The following CDYL2 variants were observed in gnomAD, a reference collection of about 807,000 sequenced individuals.
The protein encoded by CDYL2 is chromodomain Y like 2, also known as chromodomain Y-like protein 2.
CDYL2 carries 23 observed loss-of-function variants against 49.4 expected under a neutral mutation model. The ratio of observed to expected loss-of-function variants is 0.47; its 90% CI spans 0.34 to 0.66. The LOEUF (loss-of-function observed/expected upper bound fraction) is 0.66, where lower values mean the gene tolerates loss of function less well. Ranked by LOEUF, CDYL2 falls within the 30% of genes least tolerant of loss-of-function variation. CDYL2 has a pLI of 0.01. For missense variants in CDYL2, 678 were observed against 656.4 expected (o/e 1.03, Z -0.36); for synonymous variants, 360 against 268.8 (o/e 1.34, Z -3.32).
chr16:80,680,842 C>T (rs1202870638), intron 2 of CDYL2, among the ~76,000 whole-genome samples: 1 of 152,234 alleles, frequency 6.6e-6, no homozygotes, highest in Middle Eastern at 3.4e-3. Context: ...GCAGAACCCA[C>T]CCCTCCAGCC....
At chr16:80,765,701 T>C (rs993118943) in intron 1 of CDYL2, among the ~76,000 whole-genome samples, 62 of 125,684 alleles carry the variant, frequency 4.9e-4, no homozygotes, top group Non-Finnish European at 3.2e-5. Context: ...CAAAATGTAA[T>C]CTATCCATAC....
chr16:80,706,522 A>C (rs925544713), intron 1 of CDYL2, among the ~76,000 whole-genome samples: 1 of 152,180 alleles, frequency 6.6e-6, no homozygotes, highest in African/African-American at 2.4e-5. Context: ...GGGATCAAAT[A>C]AGTTAATGTT....
At chr16:80,704,972 T>A (rs1904356329) in intron 1 of CDYL2, among the ~76,000 whole-genome samples, 1 of 152,198 alleles carries the variant, frequency 6.6e-6, no homozygotes, top group South Asian at 2.1e-4. Flanking sequence ...GGTCCAGGCT[T>A]GACATGCTTA....
intron 2 of CDYL2, among the ~76,000 whole-genome samples, chr16:80,659,119 G>A (rs1597153990): frequency 6.9e-6 from 1 of 144,470 alleles, no homozygotes; most frequent in African/African-American, 2.8e-5. Flanking sequence ...ATGGATGGAT[G>A]AACAGACAGA....
chr16:80,670,277 T>C (rs563309913), intron 2 of CDYL2, among the ~76,000 whole-genome samples: 54 of 128,916 alleles, frequency 4.2e-4, no homozygotes, highest in Middle Eastern at 4.5e-3. Flanking sequence ...CCAGTGGGAG[T>C]TGACTGGATC....
chr16:80,746,771 T>C (rs1469871664), intron 1 of CDYL2, among the ~76,000 whole-genome samples: 2 of 152,104 alleles, frequency 1.3e-5, no homozygotes, highest in African/African-American at 4.8e-5. Context: ...TGGCACAACA[T>C]AGAGACCACT....
chr16:80,659,529 G>A (rs1908955348), intron 2 of CDYL2, among the ~76,000 whole-genome samples: 1 of 151,738 alleles, frequency 6.6e-6, no homozygotes, highest in African/African-American at 2.4e-5. Flanking sequence ...AAGGGGTAAG[G>A]AGGCATAATG....
intron 1 of CDYL2, among the ~76,000 whole-genome samples, chr16:80,733,131 T>TC (rs1905390507): frequency 6.6e-6 from 1 of 152,148 alleles, no homozygotes; most frequent in African/African-American, 2.4e-5. Flanking sequence ...AGCTGATGTC[T>TC]CTTGTGGGCA....
At chr16:80,775,558 T>C (rs1278250648) in intron 1 of CDYL2, among the ~76,000 whole-genome samples, 2 of 151,674 alleles carry the variant, frequency 1.3e-5, no homozygotes, top group African/African-American at 4.8e-5. Flanking sequence ...ATAAGAAGCA[T>C]ATATATAACT....
Position 80,710,139 on chromosome 16 carries a change from G to A in CDYL2, c.25-25010C>T, listed in dbSNP as rs568214250. On this transcript the variant is annotated intron_variant, in intron 1 of 6. Coordinates refer to ENST00000570137, the MANE Select transcript of CDYL2 (RefSeq NM_152342.4). ...GACGGGGATTTCGCCATGTTGGCCAGGCTGGTCTCGAACTCCTGACCTCGT... is the reference window on the plus strand; with the variant it reads ...GACGGGGATTTCGCCATGTTGGCCAAGCTGGTCTCGAACTCCTGACCTCGT... Among the ~76,000 whole-genome samples the A allele has an allele frequency of 6.6e-5, 10 of 152,068 alleles. No homozygotes were observed. In the South Asian group the frequency reaches 2.1e-3, roughly 32 times the overall value.
At chr16:80,700,817 C>T (rs540643704) in intron 1 of CDYL2, among the ~76,000 whole-genome samples, 1 of 152,394 alleles carries the variant, frequency 6.6e-6, no homozygotes, top group East Asian at 1.9e-4. Flanking sequence ...TGCTAGCTTT[C>T]TCTCGCCAGT....
intron 1 of CDYL2, among the ~76,000 whole-genome samples, chr16:80,716,431 T>C (rs1597095378): frequency 6.6e-6 from 1 of 150,510 alleles, no homozygotes; most frequent in South Asian, 2.1e-4. Flanking sequence ...GGTGGATGGG[T>C]AGGTCGATGG....
chr16:80,798,946 A>G (rs1232663579), intron 1 of CDYL2, among the ~76,000 whole-genome samples: 1 of 152,142 alleles, frequency 6.6e-6, no homozygotes, highest in East Asian at 1.9e-4. Flanking sequence ...GGAAAATTAA[A>G]CTGTCATTTA....
At chr16:80,784,455 A>C (rs1236469223) in intron 1 of CDYL2, among the ~76,000 whole-genome samples, 2 of 152,224 alleles carry the variant, frequency 1.3e-5, no homozygotes, top group African/African-American at 4.8e-5. Flanking sequence ...ATGAGAAGTG[A>C]ACTTTGCTGA....
intron 2 of CDYL2, among the ~76,000 whole-genome samples, chr16:80,681,600 T>C (rs1454421263): frequency 6.6e-6 from 1 of 152,150 alleles, no homozygotes; most frequent in East Asian, 1.9e-4. Context: ...CTCTTCCCAG[T>C]TCCCCCAGAC....
intron 1 of CDYL2, among the ~76,000 whole-genome samples, chr16:80,721,956 C>A (rs1234083487): frequency 2.6e-5 from 4 of 152,218 alleles, no homozygotes; most frequent in Non-Finnish European, 4.4e-5. Context: ...CTACCCAGTT[C>A]TGGTGTCTGT....
chr16:80,665,286 C>T lies in CDYL2; in HGVS notation c.616+19252G>A, dbSNP rs563182175. On this transcript the variant is annotated intron_variant, in intron 2 of 6. Transcript: ENST00000570137. ...TATAATCTCCTTGCTTCGGTGGTAT[C>T]CACGTTCATGTAGGGCACTGCCGTA... is the stretch of plus-strand genomic sequence containing the variant. Among the ~76,000 whole-genome samples the T allele has an allele frequency of 2.6e-5, 4 of 152,164 alleles. 1 individual carries two copies. Among genetic ancestry groups the T allele is most frequent in the African/African-American group, 9.6e-5 (4 of 41,532 alleles).
intron 1 of CDYL2, among the ~76,000 whole-genome samples, chr16:80,757,553 A>ATAT (rs201163216): frequency 1.4e-3 from 205 of 143,866 alleles, no homozygotes; most frequent in African/African-American, 4.9e-3. Context: ...AAAAAAAAAA[A>ATAT]ATATATATAT....
chr16:80,705,151 G>A (rs1026878729), intron 1 of CDYL2, among the ~76,000 whole-genome samples: 1 of 152,222 alleles, frequency 6.6e-6, no homozygotes, highest in Admixed American at 6.5e-5. Flanking sequence ...GCCCACCAGG[G>A]CAGAAGGGAG....
Sources: allele counts gnomAD v4.1 joint callset (sites outside exome capture counted in the v4.1 genomes callset), GRCh38; gene constraint gnomAD v4.1.1; transcripts MANE v1.5; gene names NCBI Gene and HGNC (gene_info 2026-07-23, HGNC 2026-07-21).